The following EPHB1 variants were observed in gnomAD, a reference collection of about 807,000 sequenced individuals.
The protein encoded by EPHB1 is ephrin type-B receptor 1.
A neutral mutation model predicts 94.4 loss-of-function variants in EPHB1; 30 were observed. That is an observed-to-expected ratio of 0.32 (90% CI 0.24 to 0.43). The LOEUF is 0.43. EPHB1 is among the 20% of genes least tolerant of loss of function. The pLI, the probability that EPHB1 is intolerant of heterozygous loss-of-function variation, is 1.00. For synonymous variants in EPHB1, 522 were observed against 489.1 expected (o/e 1.07, Z -0.89); for missense variants, 1,055 against 1,308.3 (o/e 0.81, Z 2.99).
intron 5 of EPHB1, among the ~76,000 whole-genome samples, chr3:135,139,111 T>G (rs1160000086): frequency 6.6e-6 from 1 of 152,240 alleles, no homozygotes; most frequent in Non-Finnish European, 1.5e-5. Flanking sequence ...CCAGATGGCT[T>G]CAGTCCCCAC....
At position 135,192,770 on chromosome 3, in the gene EPHB1, G is replaced by C; in HGVS notation, c.2077G>C (p.Val693Leu). Reference sequence around the variant, plus strand: ...GGGTGTGGTCACCAAGAGTCGGCCTGTCATGATCATCACAGAGTTCATGGA... The same window carrying C: ...GGGTGTGGTCACCAAGAGTCGGCCTCTCATGATCATCACAGAGTTCATGGA... The part of the protein sequence containing the change: ...LEGVVTKSRP[V>L]MIITEFMENG... Residue 693 changes from valine to leucine, a missense_variant, in exon 11 of 16, where the codon GTC (valine) becomes CTC (leucine). Val to Leu is a conservative substitution (Grantham distance 32). Coordinates refer to ENST00000398015, the MANE Select transcript of EPHB1 (RefSeq NM_004441.5). 6.2e-7 allele frequency: 1 copy of C among 1,614,186 alleles called. No homozygotes were observed. Among genetic ancestry groups the C allele is most frequent in the Non-Finnish European group, 8.5e-7 (1 of 1,180,018 alleles).
chr3:135,173,035 C>CT (rs1325117108), intron 9 of EPHB1, among the ~76,000 whole-genome samples: 2,440 of 136,774 alleles, frequency 0.018, 35 homozygotes, highest in African/African-American at 0.031. Flanking sequence ...GAAATAGTTT[C>CT]TTTTTTTTTT....
intron 2 of EPHB1, among the ~76,000 whole-genome samples, chr3:134,945,337 T>TTCTTTTAGTA (rs2039197661): frequency 6.6e-6 from 1 of 152,304 alleles, no homozygotes; most frequent in Non-Finnish European, 1.5e-5. Context: ...TCTCCATGGT[T>TTCTTTTAGTA]TCTTTTAGTA....
At chr3:135,007,225 A>G (rs1156779699) in intron 3 of EPHB1, among the ~76,000 whole-genome samples, 2 of 152,292 alleles carry the variant, frequency 1.3e-5, no homozygotes, top group East Asian at 1.9e-4. Context: ...CGCAGTAGCA[A>G]TTCTCTAGAC....
At chr3:135,208,290 CGTGTGT>C (rs55947191) in intron 12 of EPHB1, among the ~76,000 whole-genome samples, 3,712 of 142,686 alleles carry the variant, frequency 0.026, 71 homozygotes, top group Middle Eastern at 0.048. Context: ...CCTTTCATGA[CGTGTGT>C]GTGTGTGTGT....
intron 1 of EPHB1, among the ~76,000 whole-genome samples, chr3:134,837,509 T>C (rs957007029): frequency 6.6e-6 from 1 of 152,152 alleles, no homozygotes; most frequent in African/African-American, 2.4e-5. Context: ...CAAAATGCCC[T>C]TGTCTGTCCT....
chr3:134,876,754 C>T (rs1578161694), intron 1 of EPHB1, among the ~76,000 whole-genome samples: 1 of 152,206 alleles, frequency 6.6e-6, no homozygotes, highest in Non-Finnish European at 1.5e-5. Flanking sequence ...CACTGAGTCA[C>T]GTGGACTGAA....
At chr3:135,143,853 C>A (rs142068976) in intron 5 of EPHB1, among the ~76,000 whole-genome samples, 1 of 152,338 alleles carries the variant, frequency 6.6e-6, no homozygotes, top group East Asian at 1.9e-4. Flanking sequence ...CATTCTAAGA[C>A]ATCTTTTGAT....
intron 3 of EPHB1, among the ~76,000 whole-genome samples, chr3:135,067,302 G>C (rs1937593192): frequency 6.6e-6 from 1 of 152,148 alleles, no homozygotes; most frequent in Non-Finnish European, 1.5e-5. Flanking sequence ...GGGTAGGGAA[G>C]GGCAATGAGG....
chr3:135,022,864 T>C (rs930404864), intron 3 of EPHB1, among the ~76,000 whole-genome samples: 1 of 152,148 alleles, frequency 6.6e-6, no homozygotes, highest in African/African-American at 2.4e-5. Context: ...TAGGGTGGAG[T>C]GTGTTTTCAA....
intron 3 of EPHB1, among the ~76,000 whole-genome samples, chr3:135,001,316 C>T (rs1412981505): frequency 2.0e-5 from 3 of 152,156 alleles, no homozygotes; most frequent in African/African-American, 7.2e-5. Context: ...AGGTTGCTAA[C>T]AGTGAGCTCT....
chr3:135,121,105 A>G (rs1319704506), intron 4 of EPHB1, among the ~76,000 whole-genome samples: 1 of 152,202 alleles, frequency 6.6e-6, no homozygotes, highest in Non-Finnish European at 1.5e-5. Flanking sequence ...AGTGCCTAGT[A>G]TCCAAAAGTT....
chr3:134,959,489 C>G (rs1375289260), intron 3 of EPHB1, among the ~76,000 whole-genome samples: 1 of 152,196 alleles, frequency 6.6e-6, no homozygotes, highest in African/African-American at 2.4e-5. Context: ...TGTCAACTGT[C>G]TCTCACAAAT....
At chr3:134,993,989 A>G (rs1448138176) in intron 3 of EPHB1, among the ~76,000 whole-genome samples, 3 of 152,128 alleles carry the variant, frequency 2.0e-5, no homozygotes, top group African/African-American at 7.2e-5. Flanking sequence ...TCTTTCACTG[A>G]ACCTTCAGGT....
intron 1 of EPHB1, among the ~76,000 whole-genome samples, chr3:134,887,643 A>C (rs2037886824): frequency 6.6e-6 from 1 of 152,236 alleles, no homozygotes; most frequent in African/African-American, 2.4e-5. Flanking sequence ...CTGAATAATG[A>C]AAAAGAGTTG....
chr3:134,895,050 C>T (rs1233522738), intron 1 of EPHB1, among the ~76,000 whole-genome samples: 1 of 152,226 alleles, frequency 6.6e-6, no homozygotes, highest in Non-Finnish European at 1.5e-5. Flanking sequence ...TCATGCACAA[C>T]CAAATCTTCT....
At chr3:135,224,931 G>A (rs55679725) in intron 12 of EPHB1, among the ~76,000 whole-genome samples, 22,002 of 152,114 alleles carry the variant, frequency 0.14, 2,011 homozygotes, top group Middle Eastern at 0.2. Flanking sequence ...TTTCCAGGCC[G>A]CTGCTCCCTG....
chr3:134,977,834 G>A (rs1934248045), intron 3 of EPHB1: 1 of 359,868 alleles, frequency 2.8e-6, no homozygotes, highest in Non-Finnish European at 5.4e-6. Flanking sequence ...GGAGATGTTG[G>A]AAACCACCTT....
At chr3:135,128,621 C>CT (rs1297193954) in intron 4 of EPHB1, among the ~76,000 whole-genome samples, 9 of 151,452 alleles carry the variant, frequency 5.9e-5, no homozygotes, top group African/African-American at 2.2e-4. Flanking sequence ...AGCCCTGGTG[C>CT]TTTTTTTTTC....
Sources: gnomAD v4.1 joint callset for allele counts (sites outside exome capture counted in the v4.1 genomes callset) on GRCh38, gnomAD v4.1.1 for gene constraint, MANE v1.5 for transcripts, NCBI Gene and HGNC (gene_info 2026-07-23, HGNC 2026-07-21) for gene names.